The following TBXAS1 variants were observed in gnomAD, a reference collection of about 807,000 sequenced individuals.
TBXAS1 encodes thromboxane-A synthase.
In TBXAS1, 48 loss-of-function variants were observed where a neutral mutation model predicts 60.7. The ratio of observed to expected loss-of-function variants is 0.79; its 90% CI spans 0.63 to 1.01. TBXAS1 has a LOEUF of 1.01. Among genes scored for constraint, TBXAS1 ranks in the 50% least tolerant of loss-of-function variants. The pLI is 0.00. For missense variants in TBXAS1, 685 were observed against 686.3 expected, an observed-to-expected ratio of 1.00 and a Z score of 0.02; for synonymous variants, 287 against 269.7, an observed-to-expected ratio of 1.06 and a Z score of -0.63.
At chr7:139,990,676 C>A (rs560586694) in intron 9 of TBXAS1, among the ~76,000 whole-genome samples, 1 of 151,976 alleles carries the variant, frequency 6.6e-6, no homozygotes, top group Non-Finnish European at 1.5e-5. Flanking sequence ...TTGCTGCCAC[C>A]CTCCCCACCC....
intron 9 of TBXAS1, among the ~76,000 whole-genome samples, chr7:139,988,921 C>A (rs1003391043): frequency 6.6e-6 from 1 of 152,150 alleles, no homozygotes; most frequent in Non-Finnish European, 1.5e-5. Context: ...GGTAGGTAGT[C>A]CCAGCTGGTC....
intron 1 of TBXAS1, among the ~76,000 whole-genome samples, chr7:139,864,207 T>G (rs1422885005): frequency 6.7e-6 from 1 of 150,168 alleles, no homozygotes; most frequent in African/African-American, 2.5e-5. Flanking sequence ...TAAAACTAAT[T>G]AGAAAGTCCA....
intron 3 of TBXAS1, among the ~76,000 whole-genome samples, chr7:139,892,676 T>C (rs1349638002): frequency 6.6e-6 from 1 of 152,174 alleles, no homozygotes; most frequent in Non-Finnish European, 1.5e-5. Context: ...AGGTCTGACA[T>C]GAGACTCAAA....
At chr7:139,874,904 G>A (rs1281841349) in intron 2 of TBXAS1, among the ~76,000 whole-genome samples, 1 of 152,188 alleles carries the variant, frequency 6.6e-6, no homozygotes, top group Non-Finnish European at 1.5e-5. Context: ...AGACCAGCCT[G>A]GCCAACATGG....
At chr7:139,800,171 T>TTC (rs1797681336) in intron 4 of TBXAS1, among the ~76,000 whole-genome samples, 1 of 151,532 alleles carries the variant, frequency 6.6e-6, no homozygotes, top group Admixed American at 6.6e-5. Context: ...TCTGGCCCCG[T>TTC]CAATCCATTT....
intron 9 of TBXAS1, among the ~76,000 whole-genome samples, chr7:140,003,829 A>G (rs576988110): frequency 2.0e-5 from 3 of 152,286 alleles, no homozygotes; most frequent in African/African-American, 7.2e-5. Context: ...GTTGCAGACA[A>G]TGGAATTCAG....
intron 4 of TBXAS1, among the ~76,000 whole-genome samples, chr7:139,801,368 A>G (rs933818765): frequency 2.6e-5 from 4 of 152,196 alleles, no homozygotes; most frequent in African/African-American, 9.6e-5. Context: ...ATATCTTTAA[A>G]TAGCTCTTCT....
In TBXAS1 at chr7:139,829,356, C is replaced by T. The variant is rs763025742; in HGVS notation, c.-35C>T. 8.1e-6 allele frequency: 13 copies of T among 1,603,122 alleles called. No individual in the cohort carries two copies. In the Admixed American group the frequency reaches 2.0e-4, roughly 25 times the overall value. ...CGGCGAGATCAGCCTCCTGTCTCATCTGGAAGACCACCACTCTGGGGTCTC... is the reference window on the plus strand; with the variant it reads ...CGGCGAGATCAGCCTCCTGTCTCATTTGGAAGACCACCACTCTGGGGTCTC... On this transcript the variant is annotated 5_prime_UTR_variant, in exon 1 of 13. Coordinates refer to ENST00000448866, the MANE Select transcript of TBXAS1 (RefSeq NM_001061.7).
chr7:139,848,210 C>T (rs1799955728), intron 1 of TBXAS1, among the ~76,000 whole-genome samples: 1 of 151,944 alleles, frequency 6.6e-6, no homozygotes, highest in Non-Finnish European at 1.5e-5. Flanking sequence ...GTCTTAAACG[C>T]CTGAGGTCAA....
intron 4 of TBXAS1, among the ~76,000 whole-genome samples, chr7:139,934,488 G>T (rs560174541): frequency 6.6e-6 from 1 of 152,018 alleles, no homozygotes; most frequent in East Asian, 1.9e-4. Flanking sequence ...ATGCCTGGCC[G>T]CAAAGTCTTT....
intron 3 of TBXAS1, among the ~76,000 whole-genome samples, chr7:139,893,230 G>A (rs926874855): frequency 4.0e-5 from 6 of 151,766 alleles, no homozygotes; most frequent in Admixed American, 2.6e-4. Context: ...TTCCCAGACC[G>A]TGTATTCCTG....
At position 139,872,338 on chromosome 7, in the gene TBXAS1, G is replaced by A. The variant is rs767742229; in HGVS notation, c.183+10G>A. The A allele has an allele frequency of 5.6e-6, 9 of 1,612,246 alleles. No individual in the cohort carries two copies. Among genetic ancestry groups the A allele is most frequent in the Non-Finnish European group, 7.6e-6 (9 of 1,178,504 alleles). On this transcript the variant is annotated intron_variant, in intron 2 of 12. Transcript: ENST00000448866. ...GACATTTTTCCGCCAGGTAAGGGCT[G>A]TCTTCCATTGGCTTCCATCATAAAA...
At chr7:139,835,950 C>T (rs1047351873) in intron 1 of TBXAS1, among the ~76,000 whole-genome samples, 2 of 151,814 alleles carry the variant, frequency 1.3e-5, no homozygotes, top group African/African-American at 4.8e-5. Context: ...AGATTAACAT[C>T]CACACATCAG....
At chr7:140,011,554 A>G (rs1429550659) in intron 10 of TBXAS1, among the ~76,000 whole-genome samples, 1 of 152,234 alleles carries the variant, frequency 6.6e-6, no homozygotes, top group African/African-American at 2.4e-5. Flanking sequence ...AGAAGAAGCT[A>G]TCGGTAGAGA....
chr7:139,847,432 C>T (rs894684606), intron 1 of TBXAS1, among the ~76,000 whole-genome samples: 1 of 152,166 alleles, frequency 6.6e-6, no homozygotes, highest in African/African-American at 2.4e-5. Flanking sequence ...AGCCCTTACC[C>T]ACATCATTTT....
At chr7:139,890,437 G>C (rs6944047) in intron 3 of TBXAS1, among the ~76,000 whole-genome samples, 41 of 151,854 alleles carry the variant, frequency 2.7e-4, no homozygotes, top group African/African-American at 8.9e-4. Context: ...GGATGGTCTC[G>C]ATCTCCTGAC....
intron 3 of TBXAS1, among the ~76,000 whole-genome samples, chr7:139,908,182 T>C (rs918917681): frequency 3.9e-5 from 6 of 152,010 alleles, no homozygotes; most frequent in African/African-American, 1.4e-4. Context: ...ATTATTTCCT[T>C]TCCTGTGCTT....
intron 4 of TBXAS1, chr7:139,789,476 G>A (rs1380033667): frequency 3.3e-5 from 5 of 151,538 alleles, no homozygotes; most frequent in Admixed American, 2.6e-4. Context: ...AGGACTCCTG[G>A]GCTCAAGCAA....
chr7:139,982,414 A>G (rs1217097437), intron 9 of TBXAS1, among the ~76,000 whole-genome samples: 2 of 152,156 alleles, frequency 1.3e-5, no homozygotes, highest in Non-Finnish European at 2.9e-5. Flanking sequence ...ACACTAACAG[A>G]GTCAAAGAGA....
Sources: gnomAD v4.1 joint callset for allele counts (sites outside exome capture counted in the v4.1 genomes callset) on GRCh38, gnomAD v4.1.1 for gene constraint, MANE v1.5 for transcripts, NCBI Gene and HGNC (gene_info 2026-07-23, HGNC 2026-07-21) for gene names.